EIF4B: variants seen among roughly 807,000 people sequenced by gnomAD.
EIF4B encodes eukaryotic translation initiation factor 4B.
In EIF4B, 8 loss-of-function variants were observed where a neutral mutation model predicts 79.3. The observed-to-expected ratio is 0.10, with a 90% CI of 0.06 to 0.18. The LOEUF (loss-of-function observed/expected upper bound fraction) is 0.18, where lower values mean the gene tolerates loss of function less well. Ranked by LOEUF, EIF4B falls within the 10% of genes least tolerant of loss-of-function variation. The probability of loss-of-function intolerance (pLI) is 1.00; values close to 1 mark genes in which losing one functional copy is unlikely to be tolerated. For synonymous variants in EIF4B, 238 were observed against 274.7 expected, an observed-to-expected ratio of 0.87 and a Z score of 1.32; for missense variants, 515 against 792.4, an observed-to-expected ratio of 0.65 and a Z score of 4.20.
chr12:53,034,153 G>T, intron 9 of EIF4B, 119 bp downstream of exon 9: 4 of 986,130 alleles, frequency 4.1e-6, no homozygotes, highest in East Asian at 2.6e-5. Context: ...GTCACTGATG[G>T]GCATTTAGTG....
At position 53,020,223 on chromosome 12, in the gene EIF4B, C is replaced by A. The variant is rs147557196; in HGVS notation, c.477+197C>A. Among the ~76,000 whole-genome samples, 453 of 152,226 alleles carry A rather than the reference C, an allele frequency of 3.0e-3. 4 individuals are homozygous for A. Among genetic ancestry groups the A allele is most frequent in the Admixed American group, 0.021 (315 of 15,282 alleles). On this transcript the variant is annotated intron_variant, in intron 4 of 14. Transcript: ENST00000262056. ...CACACTTCAGCAAATTCAGTAGGCC[C>A]CAATAATTTAGATAGGTACTTAGGT...
chr12:53,036,495 C>T (rs1943543134), intron 10 of EIF4B, among the ~76,000 whole-genome samples: 1 of 151,948 alleles, frequency 6.6e-6, no homozygotes, highest in South Asian at 2.1e-4. Flanking sequence ...CAGCCTCAAA[C>T]TCCTGGCCTC....
At chr12:53,025,734 C>G (rs995236776) in intron 6 of EIF4B, among the ~76,000 whole-genome samples, 1 of 152,004 alleles carries the variant, frequency 6.6e-6, no homozygotes, top group African/African-American at 2.4e-5. Context: ...GTTTATAATA[C>G]CAGGAAATGT....
At chr12:53,018,090 A>T (rs1943176835) in intron 2 of EIF4B, among the ~76,000 whole-genome samples, 1 of 152,192 alleles carries the variant, frequency 6.6e-6, no homozygotes, top group Non-Finnish European at 1.5e-5. Context: ...CTCCCGGTTC[A>T]ATAGATTGTC....
intron 8 of EIF4B, 82 bp from the exon 9 acceptor site, chr12:53,033,724 G>T: frequency 2.1e-6 from 3 of 1,396,662 alleles, no homozygotes; most frequent in South Asian, 2.9e-5. Flanking sequence ...CATTTCATAG[G>T]AGTTATATCT....
intron 6 of EIF4B, 26 bp downstream of exon 6, chr12:53,022,653 T>C: frequency 6.2e-7 from 1 of 1,609,786 alleles, no homozygotes. Context: ...TGAAGTTAGC[T>C]TCCTCTGTGC....
chr12:53,033,871 G>A lies in EIF4B; in HGVS notation c.1045G>A (p.Ala349Thr). 6.2e-7 allele frequency: 1 copy of A among 1,614,044 alleles called. No individual in the cohort carries two copies. Among genetic ancestry groups the A allele is most frequent in the East Asian group, 2.2e-5 (1 of 44,888 alleles). The change falls in exon 9 of 15, where the codon GCT becomes ACT. Residue 349 changes from alanine (A) to threonine (T), a missense_variant. Ala to Thr is a moderately conservative substitution (Grantham distance 58). Coordinates refer to ENST00000262056, the MANE Select transcript of EIF4B (RefSeq NM_001417.7). ...RSTPKEDDSSASTSQSTRAAS... is the reference protein window; with the variant it reads ...RSTPKEDDSSTSTSQSTRAAS... ...TACTCCTAAGGAAGATGATTCCTCT[G>A]CTAGTACCTCCCAGTCCACTCGAGC...
intron 6 of EIF4B, 56 bp downstream of exon 6, chr12:53,022,683 A>G: frequency 1.3e-6 from 2 of 1,576,346 alleles, no homozygotes; most frequent in Non-Finnish European, 1.7e-6. Flanking sequence ...CTATTTAGTA[A>G]TAGGACAAAT....
chr12:53,025,176 A>G, intron 6 of EIF4B: 1 of 455,318 alleles, frequency 2.2e-6, no homozygotes, highest in Non-Finnish European at 4.4e-6. Flanking sequence ...GGGGAGAACT[A>G]TGTGAGGTGA....
intron 13 of EIF4B, 75 bp downstream of exon 13, chr12:53,039,418 C>T: frequency 1.5e-6 from 2 of 1,315,174 alleles, no homozygotes; most frequent in South Asian, 1.4e-5. Flanking sequence ...TCTTGGTTCT[C>T]AGAGCACTGC....
chr12:53,022,440 T>C, intron 5 of EIF4B, 53 bp from the exon 6 acceptor site: 6 of 1,602,140 alleles, frequency 3.7e-6, no homozygotes, highest in East Asian at 2.2e-5. Context: ...TGAGAAATAT[T>C]GGGCAAAGTT....
intron 14 of EIF4B, 102 bp from the exon 15 acceptor site, chr12:53,040,041 T>C (rs1943605785): frequency 1.5e-6 from 2 of 1,339,686 alleles, no homozygotes; most frequent in Non-Finnish European, 2.1e-6. Flanking sequence ...GGGTGTCATC[T>C]GACTGTCATC....
At chr12:53,016,873 G>T (rs190487718) in intron 2 of EIF4B, among the ~76,000 whole-genome samples, 1 of 152,008 alleles carries the variant, frequency 6.6e-6, no homozygotes, top group Non-Finnish European at 1.5e-5. Context: ...TATTCTTTTG[G>T]GCCTCATTTT....
chr12:53,014,422 A>C (rs1050338479), intron 1 of EIF4B, among the ~76,000 whole-genome samples: 1 of 152,120 alleles, frequency 6.6e-6, no homozygotes, highest in African/African-American at 2.4e-5. Flanking sequence ...CAAAAAAAAA[A>C]AAAAAAGCGT....
chr12:53,023,438 G>A (rs1009484195), intron 6 of EIF4B, among the ~76,000 whole-genome samples: 2 of 151,898 alleles, frequency 1.3e-5, no homozygotes, highest in African/African-American at 4.8e-5. Context: ...TCACCATGTT[G>A]GCCAGGATAG....
intron 8 of EIF4B, among the ~76,000 whole-genome samples, chr12:53,030,410 A>ATTTTT (rs1555153412): frequency 8.8e-5 from 3 of 34,258 alleles, no homozygotes; most frequent in Non-Finnish European, 1.9e-4. Context: ...AAAAAATTAT[A>ATTTTT]TTCTTTTTTT....
At chr12:53,019,312 T>C (rs1475002758) in intron 3 of EIF4B, among the ~76,000 whole-genome samples, 2 of 151,806 alleles carry the variant, frequency 1.3e-5, no homozygotes, top group Admixed American at 6.6e-5. Flanking sequence ...GGTAGGAGAA[T>C]TGCTTGAACC....
At chr12:53,017,577 C>T (rs1943168999) in intron 2 of EIF4B, among the ~76,000 whole-genome samples, 1 of 152,008 alleles carries the variant, frequency 6.6e-6, no homozygotes, top group Admixed American at 6.6e-5. Context: ...TTTCCTATGA[C>T]CTGTTTTCAT....
intron 1 of EIF4B, among the ~76,000 whole-genome samples, chr12:53,007,371 G>A (rs1328339119): frequency 6.6e-6 from 1 of 150,522 alleles, no homozygotes; most frequent in Non-Finnish European, 1.5e-5. Flanking sequence ...TTCGCTTCCG[G>A]CGCTTCCATG....
Sources: allele counts gnomAD v4.1 joint callset (sites outside exome capture counted in the v4.1 genomes callset), GRCh38; gene constraint gnomAD v4.1.1; transcripts MANE v1.5; gene names NCBI Gene and HGNC (gene_info 2026-07-23, HGNC 2026-07-21).